Variants in RORA observed in about 807,000 individuals in gnomAD.
RORA encodes RAR related orphan receptor A, also known as nuclear receptor ROR-alpha.
RORA carries 7 observed loss-of-function variants against 69.5 expected under a neutral mutation model. The ratio of observed to expected loss-of-function variants is 0.10; its 90% CI spans 0.06 to 0.19. The LOEUF is 0.19. Ranked by LOEUF, RORA falls within the 10% of genes least tolerant of loss-of-function variation. The probability of loss-of-function intolerance (pLI) is 1.00; values close to 1 mark genes in which losing one functional copy is unlikely to be tolerated. For synonymous variants in RORA, 261 were observed against 240.8 expected, an observed-to-expected ratio of 1.08 and a Z score of -0.78; for missense variants, 457 against 663.0, an observed-to-expected ratio of 0.69 and a Z score of 3.41.
chr15:60,946,839 C>A (rs1046585676), intron 1 of RORA, among the ~76,000 whole-genome samples: 4 of 151,688 alleles, frequency 2.6e-5, no homozygotes, highest in Non-Finnish European at 4.4e-5. Context: ...CTCTGCCTGG[C>A]CGCCCATCGT....
intron 1 of RORA, among the ~76,000 whole-genome samples, chr15:60,960,712 G>A (rs561211490): frequency 1.5e-4 from 22 of 148,062 alleles, no homozygotes; most frequent in Non-Finnish European, 2.8e-4. Context: ...TCCTCCAAAT[G>A]ACTTCTACGG....
At chr15:61,064,470 C>T (rs908989317) in intron 1 of RORA, among the ~76,000 whole-genome samples, 6 of 152,198 alleles carry the variant, frequency 3.9e-5, no homozygotes. Flanking sequence ...TACTCCCACA[C>T]AAGCAAACTG....
intron 2 of RORA, chr15:60,593,087 C>G (rs1186036957): frequency 7.3e-5 from 26 of 356,040 alleles, no homozygotes; most frequent in Non-Finnish European, 1.4e-4. Flanking sequence ...TGGGACCGTC[C>G]GGGGAGTGGA....
intron 2 of RORA, among the ~76,000 whole-genome samples, chr15:60,540,409 T>G (rs1472299630): frequency 6.6e-6 from 1 of 152,142 alleles, no homozygotes; most frequent in Non-Finnish European, 1.5e-5. Context: ...TATGAAACAA[T>G]CTTACTTTAA....
chr15:60,515,958 TATA>T, intron 3 of RORA, among the ~76,000 whole-genome samples: 1 of 11,078 alleles, frequency 9.0e-5, no homozygotes, highest in African/African-American at 5.2e-4. Context: ...TTTATATATT[TATA>T]TTTATATATA....
intron 1 of RORA, among the ~76,000 whole-genome samples, chr15:61,057,098 C>T (rs1781675020): frequency 1.3e-5 from 2 of 152,206 alleles, no homozygotes; most frequent in Non-Finnish European, 2.9e-5. Context: ...CCTTCAAGAT[C>T]TCCCTGAACA....
intron 2 of RORA, among the ~76,000 whole-genome samples, chr15:60,559,597 A>G (rs2067473214): frequency 6.6e-6 from 1 of 152,194 alleles, no homozygotes; most frequent in South Asian, 2.1e-4. Flanking sequence ...TTGCCAGAGG[A>G]CAGATTCATC....
At chr15:60,725,119 A>G (rs2071340598) in intron 1 of RORA, among the ~76,000 whole-genome samples, 1 of 152,260 alleles carries the variant, frequency 6.6e-6, no homozygotes, top group Non-Finnish European at 1.5e-5. Flanking sequence ...ATTTCAATCT[A>G]GTTTACCATA....
chr15:60,736,557 C>A (rs1027084814), intron 1 of RORA, among the ~76,000 whole-genome samples: 1 of 152,004 alleles, frequency 6.6e-6, no homozygotes, highest in Non-Finnish European at 1.5e-5. Flanking sequence ...ATATTTTTTT[C>A]TTCCTGAAAA....
intron 1 of RORA, among the ~76,000 whole-genome samples, chr15:61,207,271 C>T (rs188871866): frequency 1.2e-3 from 185 of 152,294 alleles, no homozygotes; most frequent in African/African-American, 4.4e-3. Flanking sequence ...ATGGAATAGA[C>T]TTTCTCCTTC....
At chr15:60,926,504 C>T (rs540352065) in intron 1 of RORA, among the ~76,000 whole-genome samples, 2 of 152,200 alleles carry the variant, frequency 1.3e-5, no homozygotes, top group Non-Finnish European at 2.9e-5. Context: ...AACAGAACAT[C>T]GAATGACATT....
chr15:60,716,702 T>A (rs1389718358), intron 1 of RORA, among the ~76,000 whole-genome samples: 2 of 152,090 alleles, frequency 1.3e-5, no homozygotes, highest in South Asian at 4.1e-4. Context: ...ATTGTAGGTT[T>A]TAAGACCCTC....
chr15:61,140,431 C>G (rs1193305969), intron 1 of RORA, among the ~76,000 whole-genome samples: 1 of 152,188 alleles, frequency 6.6e-6, no homozygotes, highest in Non-Finnish European at 1.5e-5. Context: ...AATGCCATCT[C>G]CTTCAACATA....
At chr15:60,830,319 G>T (rs926107210) in intron 1 of RORA, among the ~76,000 whole-genome samples, 3 of 152,088 alleles carry the variant, frequency 2.0e-5, no homozygotes, top group African/African-American at 7.2e-5. Flanking sequence ...TAACATTTTG[G>T]ATAATTTTCT....
chr15:60,747,818 A>G (rs2071669240), intron 1 of RORA, among the ~76,000 whole-genome samples: 1 of 152,194 alleles, frequency 6.6e-6, no homozygotes. Flanking sequence ...TCTTGTTTCT[A>G]CGCCTCTATT....
intron 2 of RORA, among the ~76,000 whole-genome samples, chr15:60,667,754 G>A (rs951928231): frequency 2.0e-5 from 3 of 151,850 alleles, no homozygotes; most frequent in African/African-American, 7.3e-5. Context: ...TGAGTAGCTG[G>A]GACTATAGGC....
At chr15:60,883,130 C>CAAA (rs60074751) in intron 1 of RORA, among the ~76,000 whole-genome samples, 9,036 of 42,954 alleles carry the variant, frequency 0.21, 1,133 homozygotes, top group Middle Eastern at 0.3. Flanking sequence ...GACATCGTCT[C>CAAA]AAAAAAAAAA....
chr15:61,143,461 G>T (rs1283756698), intron 1 of RORA, among the ~76,000 whole-genome samples: 1 of 152,126 alleles, frequency 6.6e-6, no homozygotes, highest in Non-Finnish European at 1.5e-5. Flanking sequence ...TTGCACCTGA[G>T]AAATTAACCT....
rs1408491825 is a variant in RORA, at chr15:60,497,385, T to G, written c.*70A>C. 3 of 1,418,276 alleles carry G rather than the reference T, an allele frequency of 2.1e-6. No homozygotes were observed. The highest frequency in any genetic ancestry group is 2.8e-5 in the African/African-American group (2 of 70,768). The allele number at this position is 1,418,276 out of a possible 1,614,324, so 87.9% of individuals were successfully genotyped here. On this transcript the variant is annotated 3_prime_UTR_variant, in exon 11 of 11. Coordinates refer to ENST00000335670, the MANE Select transcript of RORA (RefSeq NM_134261.3). ...TCTGTGCAGGGCCATATAAAGTGTC[T>G]CGGTTAATTTTTTTGTTTGTTTTTC... is the stretch of plus-strand genomic sequence containing the variant.
Sources: gnomAD v4.1 joint callset for allele counts (sites outside exome capture counted in the v4.1 genomes callset) on GRCh38, gnomAD v4.1.1 for gene constraint, MANE v1.5 for transcripts, NCBI Gene and HGNC (gene_info 2026-07-23, HGNC 2026-07-21) for gene names.